The following DCC variants were observed in gnomAD, a reference collection of about 807,000 sequenced individuals.
The protein encoded by DCC is netrin receptor DCC.
DCC carries 58 observed loss-of-function variants against 172.5 expected under a neutral mutation model. The ratio of observed to expected loss-of-function variants is 0.34; its 90% CI spans 0.27 to 0.42. The LOEUF is 0.42. Ranked by LOEUF, DCC falls within the 10% of genes least tolerant of loss-of-function variation. The probability of loss-of-function intolerance (pLI) is 1.00; values close to 1 mark genes in which losing one functional copy is unlikely to be tolerated. For synonymous variants in DCC, 709 were observed against 644.5 expected, an observed-to-expected ratio of 1.10 and a Z score of -1.52; for missense variants, 1,740 against 1,791.0, an observed-to-expected ratio of 0.97 and a Z score of 0.51.
chr18:52,491,863 G>C (rs144052067), intron 1 of DCC, among the ~76,000 whole-genome samples: 172 of 152,086 alleles, frequency 1.1e-3, no homozygotes, highest in Non-Finnish European at 1.9e-3. Context: ...TGGGATGTTT[G>C]GGGTGTATCT....
At chr18:53,258,116 G>A (rs1324252237) in intron 12 of DCC, among the ~76,000 whole-genome samples, 1 of 151,908 alleles carries the variant, frequency 6.6e-6, no homozygotes, top group African/African-American at 2.4e-5. Context: ...TTCTTTATTA[G>A]TCTTGTTAGC....
intron 1 of DCC, among the ~76,000 whole-genome samples, chr18:52,586,357 C>T (rs536338904): frequency 7.9e-5 from 12 of 152,240 alleles, no homozygotes; most frequent in African/African-American, 2.9e-4. Context: ...ATAGTTGCCC[C>T]TGTATTCCAT....
chr18:53,477,434 G>C (rs1264968929), intron 25 of DCC, among the ~76,000 whole-genome samples: 7 of 152,168 alleles, frequency 4.6e-5, no homozygotes, highest in African/African-American at 1.4e-4. Context: ...TTATTCAGGA[G>C]AGTAGATAAA....
intron 1 of DCC, among the ~76,000 whole-genome samples, chr18:52,548,479 G>A (rs1381984289): frequency 6.6e-6 from 1 of 152,026 alleles, no homozygotes; most frequent in Non-Finnish European, 1.5e-5. Context: ...GTCAACGTTA[G>A]CATCTCAAGT....
intron 12 of DCC, among the ~76,000 whole-genome samples, chr18:53,300,962 ATTCT>A (rs372885437): frequency 0.019 from 2,307 of 120,328 alleles, 101 homozygotes; most frequent in African/African-American, 0.06. Context: ...TTCTGGATTC[ATTCT>A]TTCTTTCTTT....
chr18:53,113,718 T>C (rs2043369805), intron 7 of DCC, among the ~76,000 whole-genome samples: 2 of 151,420 alleles, frequency 1.3e-5, no homozygotes, highest in Admixed American at 6.6e-5. Context: ...ACCTGCTTTT[T>C]TTTTTAAGAA....
chr18:53,385,209 T>C (rs1908077128), intron 15 of DCC, among the ~76,000 whole-genome samples: 1 of 152,144 alleles, frequency 6.6e-6, no homozygotes, highest in Non-Finnish European at 1.5e-5. Flanking sequence ...TTCAGCAAAC[T>C]ACAGGTTACA....
chr18:53,169,027 A>T (rs531321285), intron 8 of DCC, among the ~76,000 whole-genome samples: 1 of 152,372 alleles, frequency 6.6e-6, no homozygotes, highest in South Asian at 2.1e-4. Flanking sequence ...ATTATAATGC[A>T]ATACATTTAA....
chr18:52,418,263 G>A (rs929575423), intron 1 of DCC, among the ~76,000 whole-genome samples: 2 of 152,194 alleles, frequency 1.3e-5, no homozygotes, highest in African/African-American at 4.8e-5. Flanking sequence ...AATACCCCTG[G>A]TGTATCTTGA....
At chr18:52,489,551 C>T (rs974650600) in intron 1 of DCC, among the ~76,000 whole-genome samples, 8 of 152,034 alleles carry the variant, frequency 5.3e-5, no homozygotes, top group African/African-American at 7.2e-5. Context: ...TCTCAGTAGC[C>T]GGTGGCTTGG....
At chr18:52,721,236 A>G (rs2036469223) in intron 1 of DCC, among the ~76,000 whole-genome samples, 1 of 152,308 alleles carries the variant, frequency 6.6e-6, no homozygotes, top group Admixed American at 6.5e-5. Context: ...AATTATTTCC[A>G]ATGGATTCCT....
At chr18:52,892,219 T>C (rs2039661345) in intron 2 of DCC, among the ~76,000 whole-genome samples, 1 of 152,076 alleles carries the variant, frequency 6.6e-6, no homozygotes, top group Admixed American at 6.6e-5. Flanking sequence ...ATAAACAAGC[T>C]TGGAAGCAAT....
chr18:53,355,255 C>T (rs1297860045), intron 15 of DCC, among the ~76,000 whole-genome samples: 13 of 150,828 alleles, frequency 8.6e-5, no homozygotes, highest in Non-Finnish European at 8.8e-5. Flanking sequence ...CTTGGCAATG[C>T]GGGCTCTTTT....
Position 53,450,665 on chromosome 18 carries a change from A to G in DCC, c.3392+3A>G. On this transcript the variant is annotated splice_donor_region_variant and intron_variant, in intron 23 of 28. Transcript: ENST00000442544. ...CGCTCTTCAGCCCAGCAGAGAAAGTAGGTAACAGCTGGTTCCCAAGAGGAA... is the reference window on the plus strand; with the variant it reads ...CGCTCTTCAGCCCAGCAGAGAAAGTGGGTAACAGCTGGTTCCCAAGAGGAA... 2 of 1,611,358 alleles carry G rather than the reference A, an allele frequency of 1.2e-6. No homozygotes were observed. The highest frequency in any genetic ancestry group is 1.7e-4 in the Middle Eastern group (1 of 6,060).
intron 25 of DCC, among the ~76,000 whole-genome samples, chr18:53,477,800 A>G (rs1451785976): frequency 2.6e-5 from 4 of 152,202 alleles, no homozygotes; most frequent in Non-Finnish European, 5.9e-5. Context: ...ATCCCCAAGC[A>G]TTCTTCACAG....
intron 2 of DCC, among the ~76,000 whole-genome samples, chr18:52,817,259 TTTG>T (rs2038317261): frequency 6.6e-6 from 1 of 152,150 alleles, no homozygotes; most frequent in Non-Finnish European, 1.5e-5. Context: ...TATTTCTTGA[TTTG>T]TTTTCTATGA....
rs1568192259 is a variant in DCC at position 52,927,158 on chromosome 18, C to CGTATATGT, written c.985+1794_985+1795insGTGTATAT. 2.6e-3 allele frequency among the ~76,000 whole-genome samples: 65 copies of CGTATATGT among 25,462 alleles called. 17 individuals carry two copies. The highest frequency in any genetic ancestry group is 4.9e-3 in the Non-Finnish European group (40 of 8,148). 16.7% of individuals were successfully genotyped at this position (25,462 alleles called of 152,430 possible). On this transcript the variant is annotated intron_variant, in intron 5 of 28. Coordinates refer to ENST00000442544, the MANE Select transcript of DCC (RefSeq NM_005215.4). ...ATACGTGTATATATGTGTATATATA[C>CGTATATGT]GTATATATGTGTATATATGTGTATA... is the stretch of plus-strand genomic sequence containing the variant.
At chr18:53,398,635 A>G (rs1909107281) in intron 18 of DCC, among the ~76,000 whole-genome samples, 1 of 152,146 alleles carries the variant, frequency 6.6e-6, no homozygotes, top group Non-Finnish European at 1.5e-5. Context: ...AAGTAGTAGT[A>G]TTTTCATCTT....
intron 7 of DCC, among the ~76,000 whole-genome samples, chr18:53,154,505 T>A (rs972211386): frequency 1.5e-4 from 23 of 152,158 alleles, no homozygotes; most frequent in Non-Finnish European, 1.0e-4. Flanking sequence ...ACCAGATTTA[T>A]ATTTTTATAA....
Sources: gnomAD v4.1 joint callset for allele counts (sites outside exome capture counted in the v4.1 genomes callset) on GRCh38, gnomAD v4.1.1 for gene constraint, MANE v1.5 for transcripts, NCBI Gene and HGNC (gene_info 2026-07-23, HGNC 2026-07-21) for gene names.